The following CEP112 variants were observed in gnomAD, a reference collection of about 807,000 sequenced individuals.
CEP112 encodes the protein centrosomal protein 112.
CEP112 carries 127 observed loss-of-function variants against 153.0 expected under a neutral mutation model. The ratio of observed to expected loss-of-function variants is 0.83; its 90% CI spans 0.72 to 0.96. The LOEUF (loss-of-function observed/expected upper bound fraction) is 0.96. Among genes scored for constraint, CEP112 ranks in the 40% least tolerant of loss-of-function variants. The pLI is 0.00. For missense variants in CEP112, 1,089 were observed against 1,101.2 expected (o/e 0.99, Z 0.16); for synonymous variants, 358 against 374.4 (o/e 0.96, Z 0.51).
At chr17:65,966,444 T>A (rs2144838665) in intron 17 of CEP112, among the ~76,000 whole-genome samples, 1 of 152,338 alleles carries the variant, frequency 6.6e-6, no homozygotes, top group African/African-American at 2.4e-5. Context: ...CAACCCAACA[T>A]GTATGTATAA....
intron 21 of CEP112, among the ~76,000 whole-genome samples, chr17:65,795,383 A>G (rs139404251): frequency 0.011 from 1,690 of 152,338 alleles, 30 homozygotes; most frequent in African/African-American, 0.038. Flanking sequence ...CCATTTTACA[A>G]TTATGTAACC....
chr17:65,834,461 G>A (rs189814932), intron 21 of CEP112, among the ~76,000 whole-genome samples: 111 of 152,078 alleles, frequency 7.3e-4, no homozygotes, highest in African/African-American at 2.1e-3. Context: ...ATGTAACAAA[G>A]GTCTAATATC....
chr17:65,686,262 T>A (rs1302212394), intron 24 of CEP112, among the ~76,000 whole-genome samples: 2 of 152,094 alleles, frequency 1.3e-5, no homozygotes, highest in African/African-American at 2.4e-5. Flanking sequence ...ATAGAAGATA[T>A]CAGGAATTAG....
At chr17:66,101,963 T>C (rs978767708) in intron 6 of CEP112, among the ~76,000 whole-genome samples, 3 of 152,156 alleles carry the variant, frequency 2.0e-5, no homozygotes, top group African/African-American at 7.2e-5. Flanking sequence ...GAGATGGCTA[T>C]TTTTTAAGAA....
intron 21 of CEP112, among the ~76,000 whole-genome samples, chr17:65,791,406 G>C (rs1427046655): frequency 6.6e-6 from 1 of 152,114 alleles, no homozygotes; most frequent in Non-Finnish European, 1.5e-5. Context: ...AAGCTCCCTG[G>C]TTGCTTCTGA....
intron 20 of CEP112, among the ~76,000 whole-genome samples, chr17:65,886,601 A>G (rs1353657720): frequency 6.6e-6 from 1 of 152,218 alleles, no homozygotes; most frequent in Non-Finnish European, 1.5e-5. Context: ...GACTGGCCCA[A>G]TTCGGAATTA....
chr17:65,923,452 G>A (rs1293119042), intron 19 of CEP112, among the ~76,000 whole-genome samples: 2 of 152,180 alleles, frequency 1.3e-5, no homozygotes, highest in Non-Finnish European at 2.9e-5. Flanking sequence ...GGCTAAGGCA[G>A]GAGGACTGCT....
chr17:65,738,766 G>T (rs1485956239), intron 23 of CEP112, among the ~76,000 whole-genome samples: 1 of 152,194 alleles, frequency 6.6e-6, no homozygotes, highest in African/African-American at 2.4e-5. Flanking sequence ...TTGATTACAG[G>T]TAGTAGGAAT....
At chr17:65,692,511 G>C (rs1191048603) in intron 23 of CEP112, among the ~76,000 whole-genome samples, 2 of 152,126 alleles carry the variant, frequency 1.3e-5, no homozygotes, top group Non-Finnish European at 2.9e-5. Context: ...ACAGGCGTGA[G>C]TCACCACGCC....
chr17:65,893,845 A>C (rs769713643), intron 20 of CEP112, among the ~76,000 whole-genome samples: 2 of 152,120 alleles, frequency 1.3e-5, no homozygotes, highest in Non-Finnish European at 2.9e-5. Flanking sequence ...AGTAGGCATG[A>C]TTCCAATTAG....
At chr17:66,043,004 C>T in intron 12 of CEP112, 2 of 682,790 alleles carry the variant, frequency 2.9e-6, no homozygotes, top group Non-Finnish European at 3.6e-6. Context: ...ATGAGTAGTT[C>T]TATGAATTAT....
chr17:65,820,298 C>T (rs562078536), intron 21 of CEP112, among the ~76,000 whole-genome samples: 366 of 152,146 alleles, frequency 2.4e-3, no homozygotes, highest in Non-Finnish European at 4.4e-3. Flanking sequence ...CCGCTTCCTA[C>T]AGACCTCAGA....
chr17:66,190,101 G>A (rs1032056228), intron 1 of CEP112, among the ~76,000 whole-genome samples: 3 of 151,782 alleles, frequency 2.0e-5, no homozygotes, highest in Admixed American at 6.6e-5. Flanking sequence ...AGGCCGAGGC[G>A]GGAGGGTCAC....
intron 1 of CEP112, among the ~76,000 whole-genome samples, chr17:66,189,427 C>T (rs1198191288): frequency 6.6e-6 from 1 of 151,616 alleles, no homozygotes; most frequent in South Asian, 2.1e-4. Flanking sequence ...TCGCTTGAAC[C>T]CGGGAGGCGG....
chr17:65,727,430 AAGCTGAGAGCCTTTTGGC>A (rs964030838), intron 23 of CEP112, among the ~76,000 whole-genome samples: 3 of 152,208 alleles, frequency 2.0e-5, no homozygotes, highest in African/African-American at 7.2e-5. Context: ...CACTGGACTG[AAGCTGAGAGCCTTTTGGC>A]AGGGATATCG....
At chr17:66,021,888 T>C (rs1041738468) in intron 16 of CEP112, among the ~76,000 whole-genome samples, 2 of 152,042 alleles carry the variant, frequency 1.3e-5, no homozygotes, top group African/African-American at 2.4e-5. Context: ...TTAACAAAGG[T>C]CAAGCATAAA....
intron 19 of CEP112, among the ~76,000 whole-genome samples, chr17:65,915,171 C>G (rs1445649416): frequency 2.0e-5 from 3 of 152,206 alleles, no homozygotes; most frequent in African/African-American, 7.2e-5. Flanking sequence ...AGACTCAGTC[C>G]TGGAAGTTCC....
At chr17:65,776,188 T>C (rs982511025) in intron 21 of CEP112, among the ~76,000 whole-genome samples, 1 of 152,098 alleles carries the variant, frequency 6.6e-6, no homozygotes, top group African/African-American at 2.4e-5. Flanking sequence ...AGATCTACCA[T>C]CTGCTCTATT....
intron 21 of CEP112, among the ~76,000 whole-genome samples, chr17:65,820,952 C>G (rs530981518): frequency 2.0e-5 from 3 of 152,156 alleles, no homozygotes; most frequent in South Asian, 4.2e-4. Context: ...CCTAGGATGT[C>G]TACTGATCTG....
Sources: allele counts gnomAD v4.1 joint callset (sites outside exome capture counted in the v4.1 genomes callset), GRCh38; gene constraint gnomAD v4.1.1; transcripts MANE v1.5; gene names NCBI Gene and HGNC (gene_info 2026-07-23, HGNC 2026-07-21).